HCK: variants seen among roughly 807,000 people sequenced by gnomAD.
HCK encodes tyrosine-protein kinase HCK.
A neutral mutation model predicts 70.4 loss-of-function variants in HCK; 40 were observed. That is an observed-to-expected ratio of 0.57 (90% CI 0.44 to 0.74). HCK has a LOEUF of 0.74. HCK is among the 30% of genes least tolerant of loss of function. The probability of loss-of-function intolerance (pLI) is 0.00; values close to 1 mark genes in which losing one functional copy is unlikely to be tolerated. For synonymous variants in HCK, 245 were observed against 263.2 expected (o/e 0.93, Z 0.67); for missense variants, 568 against 697.2 (o/e 0.81, Z 2.09).
chr20:32,094,811 A>AAGAGAGAGAAAG (rs767689694), intron 11 of HCK, among the ~76,000 whole-genome samples: 7 of 122,018 alleles, frequency 5.7e-5, no homozygotes, highest in African/African-American at 2.0e-4. Flanking sequence ...GAAAGAAAGA[A>AAGAGAGAGAAAG]AGAAAGAAAG....
chr20:32,072,526 A>G (rs1206206521), intron 2 of HCK: 1 of 134,048 alleles, frequency 7.5e-6, no homozygotes. Context: ...ACGCCACTGC[A>G]CTCCAGCCTG....
At chr20:32,073,664 G>T (rs1459387927) in intron 3 of HCK, 52 bp from the exon 4 acceptor site, 4 of 1,266,270 alleles carry the variant, frequency 3.2e-6, no homozygotes, top group Non-Finnish European at 4.5e-6. Context: ...GTCACCAAGG[G>T]CTGTGGATGC....
intron 9 of HCK, among the ~76,000 whole-genome samples, chr20:32,087,380 G>A (rs1473823583): frequency 6.6e-6 from 1 of 151,520 alleles, no homozygotes; most frequent in African/African-American, 2.4e-5. Context: ...CATAACTCCT[G>A]GGCTCAAGTG....
chr20:32,064,218 T>C lies in HCK; in HGVS notation c.63-7444T>C, dbSNP rs1302349871. The stretch of plus-strand genomic sequence containing the variant: ...TGGGGTTTCACCATGTTGGACAAAC[T>C]CCTGACCTCTGGTGATCCACCTGCC... On this transcript the variant is annotated intron_variant, in intron 1 of 12. Transcript: ENST00000375852. 1.6e-4 allele frequency among the ~76,000 whole-genome samples: 25 copies of C among 151,984 alleles called. 1 individual carries two copies. The highest frequency in any genetic ancestry group is 1.5e-5 in the Non-Finnish European group (1 of 67,994).
At chr20:32,073,213 G>A in intron 2 of HCK, 106 bp from the exon 3 acceptor site, 1 of 916,004 alleles carries the variant, frequency 1.1e-6, no homozygotes, top group Non-Finnish European at 1.7e-6. Flanking sequence ...CCCACGACAT[G>A]CAGGGCTAGG....
chr20:32,101,790 G>A lies in HCK; in HGVS notation c.*271G>A. ...TTTAGTTACAGCTGTGATTTGGAAGGGAAACTTTCAAAATAGTGAAATGAA... is the reference window on the plus strand; with the variant it reads ...TTTAGTTACAGCTGTGATTTGGAAGAGAAACTTTCAAAATAGTGAAATGAA... On this transcript the variant is annotated 3_prime_UTR_variant, in exon 13 of 13. Transcript: ENST00000375852. 1 of 362,816 alleles carries A rather than the reference G, an allele frequency of 2.8e-6. No homozygotes were observed. The highest frequency in any genetic ancestry group is 5.0e-6 in the Non-Finnish European group (1 of 199,966). The allele number at this position is 362,816 out of a possible 1,614,324, so 22.5% of individuals were successfully genotyped here. A position where few individuals can be genotyped will look rare whatever the true frequency, so the allele number is the denominator to read the frequency against.
At chr20:32,073,231 G>A (rs945016608) in intron 2 of HCK, 88 bp from the exon 3 acceptor site, 3 of 1,100,448 alleles carry the variant, frequency 2.7e-6, no homozygotes, top group Non-Finnish European at 4.1e-6. Flanking sequence ...AGGGTAAGAT[G>A]CTCTTGGGTG....
chr20:32,086,833 C>G (rs2045795461), intron 9 of HCK, 26 bp downstream of exon 9: 1 of 1,558,576 alleles, frequency 6.4e-7, no homozygotes, highest in Non-Finnish European at 8.7e-7. Context: ...GCTGGGGGTG[C>G]AGGCTGTGGC....
At chr20:32,075,639 G>A (rs2045611378) in intron 5 of HCK, among the ~76,000 whole-genome samples, 1 of 152,094 alleles carries the variant, frequency 6.6e-6, no homozygotes, top group Non-Finnish European at 1.5e-5. Context: ...TCTTGGCTGT[G>A]GGTTCTTCTT....
rs897327897 is a variant in HCK, at chr20:32,052,315, G to C, written c.-110G>C. 1.3e-6 allele frequency: 1 copy of C among 749,366 alleles called. No homozygotes were observed. Among genetic ancestry groups the C allele is most frequent in the African/African-American group, 1.8e-5 (1 of 54,604 alleles). 46.4% of individuals were successfully genotyped at this position (749,366 alleles called of 1,614,324 possible). On this transcript the variant is annotated 5_prime_UTR_variant, in exon 1 of 13. Coordinates refer to ENST00000375852, the MANE Select transcript of HCK (RefSeq NM_002110.5). Reference sequence around the variant, plus strand: ...AGTGGGAAGGGACTCAGACAGTGCAGGACGAGAAACGCCCGCGGCACCAAA... The same window carrying C: ...AGTGGGAAGGGACTCAGACAGTGCACGACGAGAAACGCCCGCGGCACCAAA...
At chr20:32,085,380 G>T (rs899774231) in intron 8 of HCK, among the ~76,000 whole-genome samples, 1 of 152,016 alleles carries the variant, frequency 6.6e-6, no homozygotes, top group Admixed American at 6.6e-5. Flanking sequence ...CAGGCGTGGT[G>T]GTGGGAGCCT....
rs1600744937 is a variant in HCK at position 32,094,781 on chromosome 20, GA to G, written c.1246+766del. ...AGAAAGAAGGAAAGAAAGAAAGAGA[GA>G]GAAAGAGAAAGAAAGAAAGAAAGAA... On this transcript the variant is annotated intron_variant, in intron 11 of 12. Coordinates refer to ENST00000375852, the MANE Select transcript of HCK (RefSeq NM_002110.5). 2.4e-3 allele frequency among the ~76,000 whole-genome samples: 216 copies of G among 89,030 alleles called. 4 individuals are homozygous for G. The highest frequency in any genetic ancestry group is 5.9e-3 in the African/African-American group (103 of 17,316). 58.4% of individuals were successfully genotyped at this position (89,030 alleles called of 152,430 possible).
intron 6 of HCK, among the ~76,000 whole-genome samples, chr20:32,081,219 C>T (rs1218790156): frequency 2.0e-5 from 3 of 152,202 alleles, no homozygotes; most frequent in African/African-American, 4.8e-5. Flanking sequence ...TTCTCTGGGA[C>T]TCTGCTGAAA....
chr20:32,078,237 G>C (rs1258865478), intron 5 of HCK, among the ~76,000 whole-genome samples: 5 of 150,202 alleles, frequency 3.3e-5, no homozygotes, highest in African/African-American at 1.2e-4. Flanking sequence ...AGTCGAGACG[G>C]GGTTTCACCA....
intron 6 of HCK, among the ~76,000 whole-genome samples, chr20:32,081,300 G>C (rs17093812): frequency 0.015 from 2,215 of 152,264 alleles, 46 homozygotes; most frequent in African/African-American, 0.049. Flanking sequence ...TGCTGCAAGG[G>C]TGGATTCATG....
Position 32,079,819 on chromosome 20 carries a change from G to A in HCK, c.474G>A (p.Leu158=). 1 of 1,614,156 alleles carries A rather than the reference G, an allele frequency of 6.2e-7. No homozygotes were observed. The highest frequency in any genetic ancestry group is 8.5e-7 in the Non-Finnish European group (1 of 1,180,000). The change falls in exon 6 of 13, where the codon CTG becomes CTA. Residue 158 remains leucine (L), a synonymous_variant. Coordinates refer to ENST00000375852, the MANE Select transcript of HCK (RefSeq NM_002110.5). ...GCCGGAAGGACGCAGAGCGCCAACT[G>A]CTGGCTCCCGGCAACATGCTGGGCT...
intron 11 of HCK, among the ~76,000 whole-genome samples, chr20:32,094,787 G>GAGAA (rs71185378): frequency 1.6e-3 from 172 of 105,358 alleles, no homozygotes; most frequent in East Asian, 3.7e-3. Context: ...GAGAGAGAAA[G>GAGAA]AGAAAGAAAG....
intron 1 of HCK, among the ~76,000 whole-genome samples, chr20:32,062,570 C>T (rs180770907): frequency 2.0e-4 from 31 of 152,304 alleles, no homozygotes; most frequent in African/African-American, 7.5e-4. Flanking sequence ...TGTCGCTCGC[C>T]ATCGTGTGAG....
chr20:32,062,009 G>T (rs1224466850), intron 1 of HCK, among the ~76,000 whole-genome samples: 14 of 146,206 alleles, frequency 9.6e-5, no homozygotes, highest in Non-Finnish European at 1.3e-4. Flanking sequence ...GTGCGACCTC[G>T]GCTCCCTGCA....
Sources: gnomAD v4.1 joint callset for allele counts (sites outside exome capture counted in the v4.1 genomes callset) on GRCh38, gnomAD v4.1.1 for gene constraint, MANE v1.5 for transcripts, NCBI Gene and HGNC (gene_info 2026-07-23, HGNC 2026-07-21) for gene names.